MROH7: variants seen among roughly 807,000 people sequenced by gnomAD.
MROH7 encodes the protein maestro heat like repeat family member 7.
MROH7 carries 113 observed loss-of-function variants against 129.2 expected under a neutral mutation model. The ratio of observed to expected loss-of-function variants is 0.87; its 90% CI spans 0.75 to 1.02. The LOEUF (loss-of-function observed/expected upper bound fraction) is 1.02, where lower values mean the gene tolerates loss of function less well. Ranked by LOEUF, MROH7 falls within the 50% of genes least tolerant of loss-of-function variation. The pLI, the probability that MROH7 is intolerant of heterozygous loss-of-function variation, is 0.00. For missense variants in MROH7, 1,601 were observed against 1,671.3 expected, an observed-to-expected ratio of 0.96 and a Z score of 0.73; for synonymous variants, 655 against 667.9, an observed-to-expected ratio of 0.98 and a Z score of 0.30.
At chr1:54,669,459 A>C (rs1170737196) in intron 5 of MROH7, among the ~76,000 whole-genome samples, 2 of 152,194 alleles carry the variant, frequency 1.3e-5, no homozygotes, top group Non-Finnish European at 2.9e-5. Context: ...CCATACCTTC[A>C]TTTAACTAAC....
At chr1:54,706,064 T>A (rs1455419846) in intron 21 of MROH7, among the ~76,000 whole-genome samples, 1 of 152,196 alleles carries the variant, frequency 6.6e-6, no homozygotes, top group Non-Finnish European at 1.5e-5. Context: ...TAAGACCCCC[T>A]GACTCTCCAG....
At chr1:54,697,646 T>G in intron 17 of MROH7, 1 of 703,122 alleles carries the variant, frequency 1.4e-6, no homozygotes, top group Non-Finnish European at 2.6e-6. Context: ...TTCACTAATC[T>G]GCACAGCAAC....
At position 54,670,889 on chromosome 1, in the gene MROH7, C is replaced by T. The variant is rs753562291; in HGVS notation, c.1559C>T (p.Ala520Val). ...GTGTTCTCCCTGCCCTCCGTGCAGGCGATGCAGGAGAAGGACGAGGCCAAG... is the reference window on the plus strand; with the variant it reads ...GTGTTCTCCCTGCCCTCCGTGCAGGTGATGCAGGAGAAGGACGAGGCCAAG... ...HSVFSLPSVQ[A>V]MQEKDEAKAE... Residue 520 changes from alanine to valine, a missense_variant, in exon 7 of 24, where the codon GCG becomes GTG. Ala to Val is a moderately conservative substitution (Grantham distance 64, BLOSUM62 0). Coordinates refer to ENST00000421030, the MANE Select transcript of MROH7 (RefSeq NM_001039464.4). 1.6e-5 allele frequency: 25 copies of T among 1,611,762 alleles called. No individual in the cohort carries two copies. The highest frequency in any genetic ancestry group is 6.7e-5 in the Admixed American group (4 of 59,676).
chr1:54,699,110 C>A (rs796513004), intron 17 of MROH7: 5 of 88,948 alleles, frequency 5.6e-5, no homozygotes, highest in Non-Finnish European at 1.1e-4. Flanking sequence ...TTCTTTCTTT[C>A]TTTCTTTCTT....
In MROH7 at chr1:54,702,746, G is replaced by C; in HGVS notation, c.3564+1G>C. The C allele has an allele frequency of 6.2e-7, 1 of 1,612,240 alleles. No homozygotes were observed. ...AGTGGCCAAAATTTGCAAGTGCCTT[G>C]TGAGTGCTCCCAGAGAGTAGAGTGG... is the stretch of plus-strand genomic sequence containing the variant. On this transcript the variant is annotated splice_donor_variant, in intron 21 of 23. Transcript: ENST00000421030. LOFTEE classifies it high-confidence loss of function.
chr1:54,671,028 C>A, intron 7 of MROH7, 99 bp downstream of exon 7: 4 of 1,338,128 alleles, frequency 3.0e-6, no homozygotes, highest in Non-Finnish European at 4.0e-6. Context: ...TGGCCTTGGG[C>A]AATTCAACTG....
intron 1 of MROH7, among the ~76,000 whole-genome samples, chr1:54,643,802 C>T (rs1267304921): frequency 1.3e-5 from 2 of 152,188 alleles, no homozygotes; most frequent in African/African-American, 4.8e-5. Flanking sequence ...GTCTTTATTT[C>T]CCTTTCATTC....
chr1:54,702,636 C>T lies in MROH7; in HGVS notation c.3455C>T (p.Thr1152Ile), dbSNP rs751649634. The change falls in exon 21 of 24, where the codon ACC becomes ATC. Residue 1152 changes from threonine to isoleucine, a missense_variant. Coordinates refer to ENST00000421030, the MANE Select transcript of MROH7 (RefSeq NM_001039464.4). Reference sequence around the variant, plus strand: ...ATTGGTTCCCAGAAGTGTGTGAAGACCCTGTTACGCTGTTCTTACTTCATG... The same window carrying T: ...ATTGGTTCCCAGAAGTGTGTGAAGATCCTGTTACGCTGTTCTTACTTCATG... ...NSKVSQKCVK[T>I]LLRCSYFMAW... 1.9e-6 allele frequency: 3 copies of T among 1,611,216 alleles called. No homozygotes were observed. Among genetic ancestry groups the T allele is most frequent in the Non-Finnish European group, 2.5e-6 (3 of 1,178,630 alleles).
chr1:54,663,742 A>G (rs1438509267), intron 3 of MROH7: 2 of 432,620 alleles, frequency 4.6e-6, no homozygotes, highest in African/African-American at 2.1e-5. Flanking sequence ...GACATTTGAC[A>G]TGTCTTTATC....
At chr1:54,659,108 T>G (rs1407760995) in intron 3 of MROH7, 9 of 444,290 alleles carry the variant, frequency 2.0e-5, no homozygotes, top group Admixed American at 4.9e-5. Flanking sequence ...GTTTTGTTTT[T>G]TTTTAGATGG....
rs762348183 is a variant in MROH7, at chr1:54,653,032, C to T, written c.106C>T (p.Gln36Ter). ...GGGATTAGGGTCTGGTACCATCCCT[C>T]AGCCCCACCCAGACATGGCTCAGGT... is the stretch of plus-strand genomic sequence containing the variant. ...APGLGSGTIP[Q>*]PHPDMAQVPM... The change falls in exon 3 of 24, where the codon CAG becomes TAG. Residue 36 changes from glutamine (Q) to a stop codon, truncating the protein, a stop_gained. Coordinates refer to ENST00000421030, the MANE Select transcript of MROH7 (RefSeq NM_001039464.4). LOFTEE classifies it high-confidence loss of function. 6.2e-7 allele frequency: 1 copy of T among 1,614,212 alleles called. No homozygotes were observed. Among genetic ancestry groups the T allele is most frequent in the Non-Finnish European group, 8.5e-7 (1 of 1,180,040 alleles).
chr1:54,700,100 A>G, intron 17 of MROH7: 2 of 707,910 alleles, frequency 2.8e-6, no homozygotes, highest in Non-Finnish European at 5.2e-6. Flanking sequence ...GGCAACAACA[A>G]GCAGTCACAG....
chr1:54,688,839 T>C (rs1177226094), intron 15 of MROH7, among the ~76,000 whole-genome samples: 1 of 151,914 alleles, frequency 6.6e-6, no homozygotes, highest in South Asian at 2.1e-4. Flanking sequence ...GGAACACATA[T>C]GGGAAAAAAT....
chr1:54,686,675 A>T (rs1645153754), intron 15 of MROH7, among the ~76,000 whole-genome samples: 1 of 152,206 alleles, frequency 6.6e-6, no homozygotes, highest in Admixed American at 6.5e-5. Context: ...CACAGGAAAG[A>T]ATCAGCCCTC....
At chr1:54,673,629 G>C in intron 8 of MROH7, 72 bp from the exon 9 acceptor site, 1 of 1,142,454 alleles carries the variant, frequency 8.8e-7, no homozygotes, top group Non-Finnish European at 1.3e-6. Context: ...ATGGGTGAAG[G>C]CTGGCCTGTC....
intron 17 of MROH7, among the ~76,000 whole-genome samples, chr1:54,696,188 C>A (rs1238000447): frequency 6.6e-6 from 1 of 152,052 alleles, no homozygotes; most frequent in Non-Finnish European, 1.5e-5. Flanking sequence ...AGAAAAAAAA[C>A]CCTGAGGCAT....
intron 1 of MROH7, among the ~76,000 whole-genome samples, chr1:54,645,891 G>T (rs749398929): frequency 6.6e-6 from 1 of 152,040 alleles, no homozygotes; most frequent in Non-Finnish European, 1.5e-5. Flanking sequence ...GAGCTCAAAT[G>T]ATCCACCCAC....
chr1:54,672,446 G>A (rs891886817), intron 7 of MROH7, among the ~76,000 whole-genome samples: 12 of 152,100 alleles, frequency 7.9e-5, no homozygotes, highest in Non-Finnish European at 1.8e-4. Context: ...GCCCAGCCTC[G>A]TGTACATGTA....
At chr1:54,649,879 G>A (rs1644529221) in intron 1 of MROH7, among the ~76,000 whole-genome samples, 1 of 152,218 alleles carries the variant, frequency 6.6e-6, no homozygotes, top group East Asian at 1.9e-4. Context: ...TGAAATCAAG[G>A]AGCAATCAAA....
Sources: gnomAD v4.1 joint callset for allele counts (sites outside exome capture counted in the v4.1 genomes callset) on GRCh38, gnomAD v4.1.1 for gene constraint, MANE v1.5 for transcripts, NCBI Gene and HGNC (gene_info 2026-07-23, HGNC 2026-07-21) for gene names.